C5orf47: variants seen among roughly 807,000 people sequenced by gnomAD.
C5orf47 encodes chromosome 5 open reading frame 47.
C5orf47 carries 20 observed loss-of-function variants against 20.6 expected under a neutral mutation model. That is an observed-to-expected ratio of 0.97 (90% CI 0.68 to 1.41). C5orf47 has a LOEUF of 1.41. Ranked by LOEUF, C5orf47 falls within the 40% of genes most tolerant of loss-of-function variation. The pLI, the probability that C5orf47 is intolerant of heterozygous loss-of-function variation, is 0.00. For synonymous variants in C5orf47, 106 were observed against 97.3 expected, an observed-to-expected ratio of 1.09 and a Z score of -0.53; for missense variants, 262 against 238.4, an observed-to-expected ratio of 1.10 and a Z score of -0.65.
At chr5:174,008,939 A>C (rs1453740517), downstream of C5orf47, among the ~76,000 whole-genome samples, 1 of 152,154 alleles carries the variant, frequency 6.6e-6, no homozygotes, top group Non-Finnish European at 1.5e-5. Flanking sequence ...TTCACTTTAT[A>C]AATAGGATTC....
At chr5:174,008,726 G>A (rs936816840), downstream of C5orf47, among the ~76,000 whole-genome samples, 7 of 151,616 alleles carry the variant, frequency 4.6e-5, no homozygotes, top group Admixed American at 4.6e-4. Flanking sequence ...CCAGCTACTC[G>A]GGAGGCTGAG....
At chr5:173,995,244 A>T (rs1759068376) in intron 1 of C5orf47, among the ~76,000 whole-genome samples, 1 of 152,266 alleles carries the variant, frequency 6.6e-6, no homozygotes, top group Non-Finnish European at 1.5e-5. Context: ...AGTGACACAG[A>T]TGTATCAGAC....
intron 1 of C5orf47, 89 bp downstream of exon 1, chr5:173,989,677 C>A: frequency 8.6e-7 from 1 of 1,168,588 alleles, no homozygotes; most frequent in Non-Finnish European, 1.1e-6. Context: ...TTGCGGCACG[C>A]AGGAGGCTGG....
chr5:174,001,073 A>G (rs1444967270), intron 3 of C5orf47, 123 bp from the exon 4 acceptor site: 1 of 693,756 alleles, frequency 1.4e-6, no homozygotes, highest in Non-Finnish European at 2.5e-6. Context: ...GAACTTCTTT[A>G]TAAAACTAAT....
chr5:173,995,637 G>C (rs1410916542), intron 1 of C5orf47, among the ~76,000 whole-genome samples: 1 of 152,202 alleles, frequency 6.6e-6, no homozygotes, highest in Non-Finnish European at 1.5e-5. Context: ...CACAGTGTTC[G>C]GCATAGAATA....
chr5:174,004,513 C>A lies in C5orf47; in HGVS notation c.*259C>A, dbSNP rs192292120. On this transcript the variant is annotated 3_prime_UTR_variant, in exon 5 of 5. Transcript: ENST00000340147. ...GTTATTTTCAGAATTAATGCTTATT[C>A]TACATACTTTTAAATTAACCTCATA... The A allele has an allele frequency of 6.6e-6, 1 of 152,268 alleles. No homozygotes were observed. Among genetic ancestry groups the A allele is most frequent in the Non-Finnish European group, 1.5e-5 (1 of 67,982 alleles). The allele number at this position is 152,268 out of a possible 1,614,324, so 9.4% of individuals were successfully genotyped here. A position where few individuals can be genotyped will look rare whatever the true frequency, so the allele number is the denominator to read the frequency against.
At chr5:173,999,836 G>T in intron 3 of C5orf47, 37 bp downstream of exon 3, 1 of 1,131,360 alleles carries the variant, frequency 8.8e-7, no homozygotes, top group Non-Finnish European at 1.3e-6. Flanking sequence ...TAAAAAGACT[G>T]GCCTCTGTAA....
In C5orf47 at chr5:173,989,389, T is replaced by A. The variant is rs1014172193; in HGVS notation, c.126T>A (p.Gly42=). The stretch of plus-strand genomic sequence containing the variant: ...GCCGTGGAGCTCAAGGCCTTTGGGG[T>A]CAGGGGCCTGGGGCAGGCTGTCGCC... ...LGGRGAQGLW[G]QGPGAGCRQE... The change falls in exon 1 of 5, where the codon GGT becomes GGA. Residue 42 remains glycine (G), a synonymous_variant. Coordinates refer to ENST00000340147, the MANE Select transcript of C5orf47 (RefSeq NM_001144954.2). The A allele has an allele frequency of 1.9e-5, 29 of 1,540,598 alleles. No individual in the cohort carries two copies. The African/African-American group carries it at 2.9e-4, about 15-fold the overall frequency.
intron 1 of C5orf47, among the ~76,000 whole-genome samples, chr5:173,996,663 A>G (rs907018362): frequency 2.0e-5 from 3 of 152,220 alleles, no homozygotes; most frequent in Non-Finnish European, 2.9e-5. Flanking sequence ...CCTTTTAACT[A>G]AATTTCTTTT....
intron 1 of C5orf47, among the ~76,000 whole-genome samples, chr5:173,990,747 T>C (rs1395196441): frequency 6.6e-6 from 1 of 152,116 alleles, no homozygotes; most frequent in Non-Finnish European, 1.5e-5. Context: ...CCTCTCTTGG[T>C]TTTTCTAAGT....
chr5:174,007,166 C>A (rs938956477), downstream of C5orf47, among the ~76,000 whole-genome samples: 1 of 152,068 alleles, frequency 6.6e-6, no homozygotes, highest in African/African-American at 2.4e-5. Flanking sequence ...ACGTTGGATG[C>A]TTGTCTGGTG....
chr5:174,007,069 TG>T (rs1759303798), downstream of C5orf47, among the ~76,000 whole-genome samples: 1 of 148,478 alleles, frequency 6.7e-6, no homozygotes. Context: ...GTGGGCCCAC[TG>T]GGTTTAGAAA....
intron 1 of C5orf47, among the ~76,000 whole-genome samples, chr5:173,993,609 A>C (rs1759037888): frequency 6.6e-6 from 1 of 152,164 alleles, no homozygotes; most frequent in African/African-American, 2.4e-5. Context: ...GTGCCACTGC[A>C]CTCCAGCCTG....
chr5:173,989,315 G>A lies in C5orf47; in HGVS notation c.52G>A (p.Val18Met), dbSNP rs1302531549. The change falls in exon 1 of 5, where the codon GTG (valine) becomes ATG (methionine). Residue 18 changes from valine (V) to methionine (M), a missense_variant. Physicochemically the swap from Val to Met is conservative, Grantham distance 21. Transcript: ENST00000340147. ...REQDSARFVY[V>M]TRFGSHQCSG... is the part of the protein sequence containing the mutation. The stretch of plus-strand genomic sequence containing the variant: ...GCAGGACTCGGCGCGCTTCGTCTAT[G>A]TGACGCGCTTCGGCTCGCATCAGTG... 1.1e-5 allele frequency: 15 copies of A among 1,418,826 alleles called. No individual in the cohort carries two copies. The highest frequency in any genetic ancestry group is 1.3e-5 in the Non-Finnish European group (14 of 1,080,636). The allele number at this position is 1,418,826 out of a possible 1,614,324, so 87.9% of individuals were successfully genotyped here. A position where few individuals can be genotyped will look rare whatever the true frequency, so the allele number is the denominator to read the frequency against.
At chr5:173,990,355 C>T (rs986678699) in intron 1 of C5orf47, among the ~76,000 whole-genome samples, 3 of 152,034 alleles carry the variant, frequency 2.0e-5, no homozygotes, top group East Asian at 1.9e-4. Flanking sequence ...ACTCCTGGGC[C>T]CAACTGATCC....
downstream of C5orf47, among the ~76,000 whole-genome samples, chr5:174,008,843 AAAG>A (rs1488903943): frequency 6.7e-6 from 1 of 148,696 alleles, no homozygotes; most frequent in South Asian, 2.1e-4. Context: ...AAAAAAAAAG[AAAG>A]AAAAACAACT....
chr5:173,993,190 G>A (rs772068032), intron 1 of C5orf47, among the ~76,000 whole-genome samples: 59 of 152,236 alleles, frequency 3.9e-4, no homozygotes, highest in Non-Finnish European at 7.5e-4. Flanking sequence ...TAGGGCATAT[G>A]GGATCATAGA....
chr5:173,999,717 A>C lies in C5orf47; in HGVS notation c.429A>C (p.Arg143Ser). ...KKKKKVLVWN[R>S]VYKVISRMLE... ...TTTTTAAGGTTTTAGTATGGAATAG[A>C]GTATACAAAGTCATTTCAAGAATGC... The change falls in exon 3 of 5, where the codon AGA becomes AGC. Residue 143 changes from arginine (R) to serine (S), a missense_variant. Transcript: ENST00000340147. The C allele has an allele frequency of 6.7e-7, 1 of 1,487,526 alleles. No homozygotes were observed. The highest frequency in any genetic ancestry group is 1.2e-5 in the South Asian group (1 of 80,442). The allele number at this position is 1,487,526 out of a possible 1,614,324, so 92.1% of individuals were successfully genotyped here.
chr5:173,999,767 AC>A lies in C5orf47; in HGVS notation c.480del (p.His160GlnfsTer3). 1 of 1,536,734 alleles carries A rather than the reference AC, an allele frequency of 6.5e-7. No individual in the cohort carries two copies. Among genetic ancestry groups the A allele is most frequent in the Non-Finnish European group, 8.8e-7 (1 of 1,136,428 alleles). On this transcript the variant is annotated frameshift_variant, in exon 3 of 5. Coordinates refer to ENST00000340147, the MANE Select transcript of C5orf47 (RefSeq NM_001144954.2). LOFTEE classifies it high-confidence loss of function. ...CTTGAAGAAAATGAAAAATATAGAC[AC>A]AGGCTGAAATGCCAAAGGTTATCTA... ...RMLEENEKYR[H>X]RLKCQRLSSE...
Sources: gnomAD v4.1 joint callset for allele counts (sites outside exome capture counted in the v4.1 genomes callset) on GRCh38, gnomAD v4.1.1 for gene constraint, MANE v1.5 for transcripts, NCBI Gene and HGNC (gene_info 2026-07-23, HGNC 2026-07-21) for gene names.